The following ANO2 variants were observed in gnomAD, a reference collection of about 807,000 sequenced individuals.
The protein encoded by ANO2 is anoctamin 2.
ANO2 carries 101 observed loss-of-function variants against 124.2 expected under a neutral mutation model. The ratio of observed to expected loss-of-function variants is 0.81; its 90% CI spans 0.69 to 0.96. The LOEUF (loss-of-function observed/expected upper bound fraction) is 0.96. Among genes scored for constraint, ANO2 ranks in the 40% least tolerant of loss-of-function variants. The pLI is 0.00. For missense variants in ANO2, 1,293 were observed against 1,274.5 expected, an observed-to-expected ratio of 1.01 and a Z score of -0.22; for synonymous variants, 486 against 482.5, an observed-to-expected ratio of 1.01 and a Z score of -0.09.
At position 5,648,942 on chromosome 12, in the gene ANO2, T is replaced by G. The variant is rs141768263; in HGVS notation, c.1546-1141A>C. ...TGCTAGCAACAGTGCCATCTAGCCTTTGAAAGCTTGTACTGTAAGTGAAGG... is the reference window on the plus strand; with the variant it reads ...TGCTAGCAACAGTGCCATCTAGCCTGTGAAAGCTTGTACTGTAAGTGAAGG... On this transcript the variant is annotated intron_variant, in intron 14 of 24. Coordinates refer to ENST00000682330, the MANE Select transcript of ANO2 (RefSeq NM_001364791.2). Among the ~76,000 whole-genome samples the G allele has an allele frequency of 5.8e-3, 881 of 152,354 alleles. 7 individuals are homozygous for G. Among genetic ancestry groups the G allele is most frequent in the African/African-American group, 0.02 (825 of 41,596 alleles).
At chr12:5,712,377 C>T (rs1389450124) in intron 14 of ANO2, among the ~76,000 whole-genome samples, 1 of 152,042 alleles carries the variant, frequency 6.6e-6, no homozygotes, top group African/African-American at 2.4e-5. Flanking sequence ...AGTCTACTTC[C>T]CAGTGTCCTT....
intron 20 of ANO2, among the ~76,000 whole-genome samples, chr12:5,595,348 A>G (rs1033703083): frequency 1.3e-5 from 2 of 151,674 alleles, no homozygotes; most frequent in African/African-American, 2.4e-5. Context: ...CTATAGGTGT[A>G]CAACACTACA....
At chr12:5,604,282 T>TAAGGAG (rs1193342340) in intron 19 of ANO2, among the ~76,000 whole-genome samples, 2 of 149,266 alleles carry the variant, frequency 1.3e-5, no homozygotes, top group Non-Finnish European at 3.0e-5. Context: ...TTGATGAGGA[T>TAAGGAG]GAGGAGGAGG....
At chr12:5,909,752 CAG>C (rs1211860232) in intron 3 of ANO2, among the ~76,000 whole-genome samples, 1 of 152,336 alleles carries the variant, frequency 6.6e-6, no homozygotes, top group East Asian at 1.9e-4. Flanking sequence ...AGTGCGTGCC[CAG>C]AGAGCAGGCG....
At chr12:5,784,943 AC>A (rs1406634781) in intron 10 of ANO2, among the ~76,000 whole-genome samples, 1 of 152,076 alleles carries the variant, frequency 6.6e-6, no homozygotes, top group East Asian at 1.9e-4. Context: ...TATGTTCCTA[AC>A]CCCGAGTTCA....
Position 5,821,261 on chromosome 12 carries a change from C to T in ANO2, c.892+6508G>A, listed in dbSNP as rs149729293. ...TTCTAGGGGTCCAGTGCTGTGGGGC[C>T]TGTCAAGATATTCCTTCTAAGGTGA... On this transcript the variant is annotated intron_variant, in intron 7 of 24. Coordinates refer to ENST00000682330, the MANE Select transcript of ANO2 (RefSeq NM_001364791.2). Among the ~76,000 whole-genome samples, 208 of 152,336 alleles carry T rather than the reference C, an allele frequency of 1.4e-3. 1 individual carries two copies. Among genetic ancestry groups the T allele is most frequent in the African/African-American group, 4.7e-3 (197 of 41,578 alleles).
At chr12:5,672,859 C>A (rs572191993) in intron 14 of ANO2, among the ~76,000 whole-genome samples, 1 of 152,152 alleles carries the variant, frequency 6.6e-6, no homozygotes, top group Non-Finnish European at 1.5e-5. Flanking sequence ...AATGCCAACA[C>A]GACTTTCTTT....
chr12:5,578,331 A>G (rs1406434653), intron 21 of ANO2, 35 bp downstream of exon 21: 1 of 1,602,402 alleles, frequency 6.2e-7, no homozygotes, highest in Admixed American at 1.7e-5. Context: ...TGGCAGAAGG[A>G]TGGGCCTGGT....
intron 10 of ANO2, among the ~76,000 whole-genome samples, chr12:5,761,362 T>C (rs1240282152): frequency 1.3e-5 from 2 of 152,178 alleles, no homozygotes; most frequent in Non-Finnish European, 2.9e-5. Context: ...CCAAATTTAG[T>C]CCACATCCCC....
intron 14 of ANO2, among the ~76,000 whole-genome samples, chr12:5,671,077 C>G (rs1947975565): frequency 6.6e-6 from 1 of 152,198 alleles, no homozygotes; most frequent in Non-Finnish European, 1.5e-5. Flanking sequence ...CACTTGCCCT[C>G]AGAAAGGGGC....
intron 20 of ANO2, among the ~76,000 whole-genome samples, chr12:5,594,553 T>C (rs2136873632): frequency 1.3e-5 from 2 of 152,304 alleles, no homozygotes; most frequent in South Asian, 4.1e-4. Context: ...CAGTTACTCG[T>C]GGCCGGGTGT....
At chr12:5,926,307 T>A (rs1381904113) in intron 1 of ANO2, among the ~76,000 whole-genome samples, 1 of 152,206 alleles carries the variant, frequency 6.6e-6, no homozygotes, top group Non-Finnish European at 1.5e-5. Context: ...AGGACGGCGA[T>A]GCCCTCCTAA....
chr12:5,852,847 A>ATGTGTGTG (rs1565723623), intron 4 of ANO2, among the ~76,000 whole-genome samples: 1 of 48,850 alleles, frequency 2.0e-5, no homozygotes, highest in Non-Finnish European at 4.4e-5. Context: ...ATGGAAAGGG[A>ATGTGTGTG]CGTGTGTGTG....
chr12:5,800,230 G>A (rs551061511), intron 9 of ANO2, among the ~76,000 whole-genome samples: 20 of 152,326 alleles, frequency 1.3e-4, no homozygotes, highest in African/African-American at 4.8e-4. Flanking sequence ...GGAAGAACAG[G>A]GAACCAGTGT....
chr12:5,928,620 T>G (rs1268599531), intron 1 of ANO2, among the ~76,000 whole-genome samples: 9 of 146,962 alleles, frequency 6.1e-5, no homozygotes, highest in Non-Finnish European at 6.0e-5. Flanking sequence ...TCGTCTACCT[T>G]CTTTCCTTAT....
intron 23 of ANO2, among the ~76,000 whole-genome samples, chr12:5,570,397 T>C (rs1168890777): frequency 3.3e-5 from 5 of 152,090 alleles, no homozygotes; most frequent in African/African-American, 1.2e-4. Flanking sequence ...AGTGGTTACC[T>C]GTAATGTTTA....
rs138784520 is a variant in ANO2, at chr12:5,820,343, C to T, written c.892+7426G>A. 4.7e-4 allele frequency among the ~76,000 whole-genome samples: 71 copies of T among 152,234 alleles called. No homozygotes were observed. In the East Asian group the frequency reaches 0.012, roughly 25 times the overall value. Reference sequence around the variant, plus strand: ...CTACTGGTCATTGGCTCTGAGATGACGTTGATTCCAGGGGACCCAAAACGT... The same window carrying T: ...CTACTGGTCATTGGCTCTGAGATGATGTTGATTCCAGGGGACCCAAAACGT... On this transcript the variant is annotated intron_variant, in intron 7 of 24. Transcript: ENST00000682330.
chr12:5,850,137 C>T (rs1340776126), intron 4 of ANO2, among the ~76,000 whole-genome samples: 1 of 152,146 alleles, frequency 6.6e-6, no homozygotes, highest in East Asian at 1.9e-4. Context: ...GATCTGGGGC[C>T]GGGTGCAGTG....
chr12:5,627,609 G>T (rs542985005), intron 16 of ANO2, among the ~76,000 whole-genome samples: 32 of 152,342 alleles, frequency 2.1e-4, no homozygotes, highest in African/African-American at 7.0e-4. Flanking sequence ...TCCACATTTA[G>T]AAGATTAGAT....
Sources: allele counts gnomAD v4.1 joint callset (sites outside exome capture counted in the v4.1 genomes callset), GRCh38; gene constraint gnomAD v4.1.1; transcripts MANE v1.5; gene names NCBI Gene and HGNC (gene_info 2026-07-23, HGNC 2026-07-21).